Variants in RTF2 observed in about 807,000 individuals in gnomAD.
RTF2 encodes replication termination factor 2, also known as UPF0549 protein C20orf43.
RTF2 carries 18 observed loss-of-function variants against 38.0 expected under a neutral mutation model. The ratio of observed to expected loss-of-function variants is 0.47; its 90% CI spans 0.33 to 0.70. The LOEUF (loss-of-function observed/expected upper bound fraction) is 0.70. RTF2 is among the 30% of genes least tolerant of loss of function. The pLI, the probability that RTF2 is intolerant of heterozygous loss-of-function variation, is 0.02. For missense variants in RTF2, 311 were observed against 379.6 expected (o/e 0.82, Z 1.50); for synonymous variants, 126 against 137.1 (o/e 0.92, Z 0.57).
Position 56,518,283 on chromosome 20 carries a change from C to T in RTF2, c.*18C>T. On this transcript the variant is annotated 3_prime_UTR_variant, in exon 9 of 9. Transcript: ENST00000357348. Reference sequence around the variant, plus strand: ...GCTTCTGAAGCCCGCACTGCCACCGCTCCTGCCCCAGAAGGTTGTTTAGTT... The same window carrying T: ...GCTTCTGAAGCCCGCACTGCCACCGTTCCTGCCCCAGAAGGTTGTTTAGTT... 6.2e-7 allele frequency: 1 copy of T among 1,602,646 alleles called. No individual in the cohort carries two copies. Among genetic ancestry groups the T allele is most frequent in the Non-Finnish European group, 8.5e-7 (1 of 1,175,608 alleles).
chr20:56,492,537 G>C lies in RTF2; in HGVS notation c.477+8348G>C, dbSNP rs1983225471. Among the ~76,000 whole-genome samples the C allele has an allele frequency of 2.0e-5, 3 of 150,466 alleles. No individual in the cohort carries two copies. In the South Asian group the frequency reaches 6.3e-4, roughly 32 times the overall value. ...AAGTCTGAGACCAGCCTGGGCAATA[G>C]AGTGAGATCTCGTCTGTAATTTAAA... On this transcript the variant is annotated intron_variant, in intron 5 of 8. Transcript: ENST00000357348.
chr20:56,474,937 C>G (rs113767789), intron 3 of RTF2, among the ~76,000 whole-genome samples, 166 bp downstream of exon 3: 1 of 152,190 alleles, frequency 6.6e-6, no homozygotes, highest in Non-Finnish European at 1.5e-5. Flanking sequence ...TCTCAAGCCA[C>G]GAGTTCCACC....
rs1273067909 is a variant in RTF2, at chr20:56,519,150, A to G, written c.*885A>G. ...CACAGGCCTCTGCGTGGCTTTCTGC[A>G]CACGGTGGTATGACTGAGATAGTGA... On this transcript the variant is annotated 3_prime_UTR_variant, in exon 9 of 9. Coordinates refer to ENST00000357348, the MANE Select transcript of RTF2 (RefSeq NM_016407.5). The G allele has an allele frequency of 1.3e-5, 2 of 152,262 alleles. No homozygotes were observed. The highest frequency in any genetic ancestry group is 2.9e-5 in the Non-Finnish European group (2 of 68,064). The allele number at this position is 152,262 out of a possible 1,614,324, so 9.4% of individuals were successfully genotyped here.
At chr20:56,476,954 G>A in intron 3 of RTF2, 31 bp from the exon 4 acceptor site, 2 of 1,608,450 alleles carry the variant, frequency 1.2e-6, no homozygotes, top group Non-Finnish European at 8.5e-7. Flanking sequence ...TTTATCAAAT[G>A]AATTGTTAAA....
At chr20:56,502,121 A>C (rs776453930) in intron 5 of RTF2, among the ~76,000 whole-genome samples, 2 of 152,228 alleles carry the variant, frequency 1.3e-5, no homozygotes, top group Non-Finnish European at 2.9e-5. Flanking sequence ...CTAGCATCCA[A>C]GAGATACAGT....
At chr20:56,502,418 G>T (rs1983981997) in intron 5 of RTF2, among the ~76,000 whole-genome samples, 3 of 152,104 alleles carry the variant, frequency 2.0e-5, no homozygotes, top group Admixed American at 1.3e-4. Flanking sequence ...AGCCTTCACA[G>T]CCAGTAGCAA....
chr20:56,518,250 G>A lies in RTF2; in HGVS notation c.906G>A (p.Thr302=), dbSNP rs772740714. The change falls in exon 9 of 9, where the codon ACG becomes ACA. Residue 302 remains threonine, a synonymous_variant. Coordinates refer to ENST00000357348, the MANE Select transcript of RTF2 (RefSeq NM_016407.5). ...KEESAHWVTH[T]SYCF Reference sequence around the variant, plus strand: ...AGTCTGCCCACTGGGTCACCCACACGTCCTACTGCTTCTGAAGCCCGCACT... The same window carrying A: ...AGTCTGCCCACTGGGTCACCCACACATCCTACTGCTTCTGAAGCCCGCACT... 1.4e-5 allele frequency: 23 copies of A among 1,612,094 alleles called. No homozygotes were observed. The highest frequency in any genetic ancestry group is 2.7e-5 in the African/African-American group (2 of 74,762).
rs570155384 is a variant in RTF2, at chr20:56,468,657, A to C, written c.-41A>C. On this transcript the variant is annotated 5_prime_UTR_variant, in exon 1 of 9. Coordinates refer to ENST00000357348, the MANE Select transcript of RTF2 (RefSeq NM_016407.5). ...TTTCGCCGGAAATCCCGGAAGTGAC[A>C]GCTTTGGGGGTTTGCTGCTGGCTCT... 20 of 1,536,898 alleles carry C rather than the reference A, an allele frequency of 1.3e-5. No individual in the cohort carries two copies. Among genetic ancestry groups the C allele is most frequent in the African/African-American group, 2.7e-5 (2 of 72,744 alleles).
chr20:56,514,395 T>G (rs970838339), intron 6 of RTF2: 2 of 151,920 alleles, frequency 1.3e-5, no homozygotes, highest in Non-Finnish European at 2.9e-5. Context: ...GGAGAAAACT[T>G]TATGTGATCA....
chr20:56,498,096 G>C (rs1211458089), intron 5 of RTF2, among the ~76,000 whole-genome samples: 3 of 68,948 alleles, frequency 4.4e-5, no homozygotes, highest in African/African-American at 1.5e-4. Context: ...ATATTTTCAT[G>C]TTATTGCCCT....
At chr20:56,472,572 A>G (rs185264325) in intron 1 of RTF2, among the ~76,000 whole-genome samples, 1,692 of 124,678 alleles carry the variant, frequency 0.014, 11 homozygotes, top group Non-Finnish European at 0.021. Flanking sequence ...TTTGTTCTGA[A>G]CTTTAAAAAA....
At position 56,497,238 on chromosome 20, in the gene RTF2, A is replaced by G. The variant is rs201052242; in HGVS notation, c.477+13049A>G. The G allele has an allele frequency of 2.3e-4, 360 of 1,551,952 alleles. 5 individuals carry two copies. The South Asian group carries it at 2.7e-3, about 12-fold the overall frequency. On this transcript the variant is annotated intron_variant, in intron 5 of 8. Transcript: ENST00000357348. ...ATAAATAGCTCTGAGAAGCTGCACAAACATGGCCAGCTCCTTATGAATAGT... is the reference window on the plus strand; with the variant it reads ...ATAAATAGCTCTGAGAAGCTGCACAGACATGGCCAGCTCCTTATGAATAGT...
intron 5 of RTF2, chr20:56,497,685 T>C (rs1983645658): frequency 1.0e-5 from 11 of 1,094,132 alleles, no homozygotes; most frequent in Non-Finnish European, 1.2e-6. Context: ...GAACAACAGA[T>C]ACAATTTAGG....
intron 5 of RTF2, among the ~76,000 whole-genome samples, chr20:56,506,716 TGAGA>T (rs1196021337): frequency 2.6e-5 from 4 of 152,134 alleles, no homozygotes; most frequent in Admixed American, 6.6e-5. Context: ...TTTTTTTTTT[TGAGA>T]GAGAGAGTCT....
intron 1 of RTF2, 126 bp downstream of exon 1, chr20:56,468,892 T>G: frequency 1.4e-6 from 1 of 705,808 alleles, no homozygotes; most frequent in Admixed American, 2.8e-5. Context: ...TTTATTCCAT[T>G]CAGAGGACTC....
Position 56,468,691 on chromosome 20 carries a change from T to A in RTF2, c.-7T>A, listed in dbSNP as rs1280747535. The A allele has an allele frequency of 6.4e-7, 1 of 1,574,602 alleles. No individual in the cohort carries two copies. The highest frequency in any genetic ancestry group is 8.6e-7 in the Non-Finnish European group (1 of 1,160,360). ...GGTTTGCTGCTGGCTCTGACTCCCG[T>A]CCTGCGATGGGTTGCGACGGGGGAA... On this transcript the variant is annotated 5_prime_UTR_variant, in exon 1 of 9. Coordinates refer to ENST00000357348, the MANE Select transcript of RTF2 (RefSeq NM_016407.5).
At chr20:56,496,835 A>G (rs1479128623) in intron 5 of RTF2, 3 of 1,551,750 alleles carry the variant, frequency 1.9e-6, no homozygotes, top group Admixed American at 3.9e-5. Context: ...TTGGAGGTGC[A>G]TAGATACTTC....
chr20:56,502,572 C>T (rs1983991542), intron 5 of RTF2, among the ~76,000 whole-genome samples: 1 of 151,976 alleles, frequency 6.6e-6, no homozygotes, highest in South Asian at 2.1e-4. Context: ...TATACTCTTT[C>T]GTTGCATTTT....
intron 5 of RTF2, among the ~76,000 whole-genome samples, chr20:56,502,870 G>A (rs112552798): frequency 1.4e-3 from 210 of 152,264 alleles, no homozygotes; most frequent in African/African-American, 4.7e-3. Flanking sequence ...CCAGTGTTAG[G>A]CTCACAGCCC....
Sources: gnomAD v4.1 joint callset for allele counts (sites outside exome capture counted in the v4.1 genomes callset) on GRCh38, gnomAD v4.1.1 for gene constraint, MANE v1.5 for transcripts, NCBI Gene and HGNC (gene_info 2026-07-23, HGNC 2026-07-21) for gene names.